The following TENM4 variants were observed in gnomAD, a reference collection of about 807,000 sequenced individuals.
TENM4 encodes teneurin-4.
Under a neutral mutation model 243.3 loss-of-function variants are expected in TENM4, and 82 were observed. The observed-to-expected ratio is 0.34, with a 90% confidence interval of 0.28 to 0.40. TENM4 has a LOEUF of 0.40. TENM4 is among the 10% of genes least tolerant of loss of function. The pLI, the probability that TENM4 is intolerant of heterozygous loss-of-function variation, is 1.00. For synonymous variants in TENM4, 1,412 were observed against 1,456.3 expected, an observed-to-expected ratio of 0.97 and a Z score of 0.69; for missense variants, 3,138 against 3,673.3, an observed-to-expected ratio of 0.85 and a Z score of 3.77.
At chr11:79,322,030 T>C (rs927929697) in intron 1 of TENM4, among the ~76,000 whole-genome samples, 3 of 152,182 alleles carry the variant, frequency 2.0e-5, no homozygotes, top group Admixed American at 1.3e-4. Context: ...GGGACTGGAA[T>C]TGATGTAAAT....
chr11:79,282,568 T>C (rs1369158198), intron 2 of TENM4, among the ~76,000 whole-genome samples: 2 of 152,184 alleles, frequency 1.3e-5, no homozygotes, highest in Non-Finnish European at 2.9e-5. Context: ...CTTTCCTCAT[T>C]TTTACGTGTT....
At chr11:78,783,883 A>C (rs1029784731) in intron 16 of TENM4, among the ~76,000 whole-genome samples, 1 of 152,184 alleles carries the variant, frequency 6.6e-6, no homozygotes, top group African/African-American at 2.4e-5. Flanking sequence ...TGGGGTAAAA[A>C]GGCTCTTAAC....
chr11:79,202,404 G>A (rs1863757290), intron 3 of TENM4, among the ~76,000 whole-genome samples: 1 of 152,184 alleles, frequency 6.6e-6, no homozygotes, highest in South Asian at 2.1e-4. Flanking sequence ...CAATGTCTGG[G>A]TGTGCAGATG....
intron 1 of TENM4, among the ~76,000 whole-genome samples, chr11:79,322,799 A>G (rs2135430840): frequency 6.6e-6 from 1 of 152,350 alleles, no homozygotes; most frequent in East Asian, 1.9e-4. Context: ...TTTACTGCAT[A>G]AAAATAAATC....
intron 9 of TENM4, among the ~76,000 whole-genome samples, chr11:78,889,278 C>T (rs1855610529): frequency 6.6e-6 from 1 of 152,200 alleles, no homozygotes; most frequent in South Asian, 2.1e-4. Context: ...TCCCACAATA[C>T]CCTCAGACTG....
At chr11:78,894,468 C>T (rs1207742209) in intron 7 of TENM4, among the ~76,000 whole-genome samples, 2 of 152,116 alleles carry the variant, frequency 1.3e-5, no homozygotes, top group Non-Finnish European at 2.9e-5. Flanking sequence ...CTGATTTTAA[C>T]TTTTACAATT....
At chr11:78,873,125 T>C (rs1338072930) in intron 9 of TENM4, among the ~76,000 whole-genome samples, 1 of 152,224 alleles carries the variant, frequency 6.6e-6, no homozygotes, top group Non-Finnish European at 1.5e-5. Flanking sequence ...CCCATGGGTA[T>C]TTTCCAGCCC....
intron 1 of TENM4, among the ~76,000 whole-genome samples, chr11:79,403,610 T>C (rs373738239): frequency 1.3e-5 from 2 of 152,170 alleles, no homozygotes; most frequent in East Asian, 3.9e-4. Context: ...TGTCATGTAA[T>C]TGCCAGTGCC....
chr11:79,327,696 C>A (rs1196070123), intron 1 of TENM4, among the ~76,000 whole-genome samples: 1 of 148,892 alleles, frequency 6.7e-6, no homozygotes, highest in Non-Finnish European at 1.5e-5. Context: ...TACCCTTTGC[C>A]CCAAACCAGA....
chr11:79,160,741 T>C (rs1373400930), intron 3 of TENM4, among the ~76,000 whole-genome samples: 1 of 152,222 alleles, frequency 6.6e-6, no homozygotes, highest in Non-Finnish European at 1.5e-5. Context: ...CCTCTTACCC[T>C]GTATCAGGTA....
At chr11:79,416,474 C>A (rs1449299768) in intron 1 of TENM4, among the ~76,000 whole-genome samples, 4 of 152,132 alleles carry the variant, frequency 2.6e-5, no homozygotes, top group Middle Eastern at 3.2e-3. Flanking sequence ...ACTAATGATA[C>A]TGAGCATTCT....
chr11:79,000,972 A>T, intron 6 of TENM4, among the ~76,000 whole-genome samples: 1 of 152,240 alleles, frequency 6.6e-6, no homozygotes, highest in East Asian at 1.9e-4. Context: ...TGGAGGTTGC[A>T]GTGAGCTGAG....
At chr11:79,277,710 T>C (rs1565280086) in intron 2 of TENM4, among the ~76,000 whole-genome samples, 1 of 152,142 alleles carries the variant, frequency 6.6e-6, no homozygotes, top group Non-Finnish European at 1.5e-5. Flanking sequence ...GAGTAACTTA[T>C]TAGGCCTGTC....
At chr11:78,965,952 AT>A (rs1857430124) in intron 6 of TENM4, among the ~76,000 whole-genome samples, 1 of 152,126 alleles carries the variant, frequency 6.6e-6, no homozygotes, top group African/African-American at 2.4e-5. Context: ...TCTATTTCAA[AT>A]TTCTGTTTAG....
intron 6 of TENM4, chr11:79,014,504 G>T (rs527387079): frequency 1.3e-5 from 2 of 152,240 alleles, no homozygotes; most frequent in African/African-American, 4.8e-5. Context: ...AATTAAAATG[G>T]TTCTCCTTAA....
intron 9 of TENM4, among the ~76,000 whole-genome samples, chr11:78,879,159 C>A (rs941819209): frequency 6.6e-6 from 1 of 150,946 alleles, no homozygotes; most frequent in Non-Finnish European, 1.5e-5. Flanking sequence ...CCGGCCACCC[C>A]GTCTGGGATG....
At chr11:78,845,424 GCATCTAAA>G (rs1858367749) in intron 12 of TENM4, among the ~76,000 whole-genome samples, 1 of 152,136 alleles carries the variant, frequency 6.6e-6, no homozygotes, top group Non-Finnish European at 1.5e-5. Context: ...AATACAGCCC[GCATCTAAA>G]CCCAGGCTGG....
intron 6 of TENM4, among the ~76,000 whole-genome samples, chr11:78,970,457 T>A (rs778902795): frequency 6.6e-6 from 1 of 152,202 alleles, no homozygotes; most frequent in Non-Finnish European, 1.5e-5. Context: ...TTAATAATAG[T>A]TTCCCCTTAC....
chr11:78,917,875 T>G (rs1356553229), intron 6 of TENM4, among the ~76,000 whole-genome samples: 2 of 152,332 alleles, frequency 1.3e-5, no homozygotes, highest in African/African-American at 4.8e-5. Flanking sequence ...GCTTTTCTTG[T>G]GCCCATTTTC....
Sources: gnomAD v4.1 joint callset for allele counts (sites outside exome capture counted in the v4.1 genomes callset) on GRCh38, gnomAD v4.1.1 for gene constraint, MANE v1.5 for transcripts, NCBI Gene and HGNC (gene_info 2026-07-23, HGNC 2026-07-21) for gene names.